Variants in GLT8D2 observed in about 807,000 individuals in gnomAD.
The protein encoded by GLT8D2 is glycosyltransferase 8 domain containing 2, also known as glycosyltransferase 8 domain-containing protein 2.
A neutral mutation model predicts 44.5 loss-of-function variants in GLT8D2; 45 were observed. That is an observed-to-expected ratio of 1.01 (90% CI 0.80 to 1.30). The LOEUF (loss-of-function observed/expected upper bound fraction) is 1.30, where lower values mean the gene tolerates loss of function less well. Among genes scored for constraint, GLT8D2 ranks in the 50% most tolerant of loss-of-function variants. GLT8D2 has a pLI of 0.00. For synonymous variants in GLT8D2, 156 were observed against 157.2 expected (o/e 0.99, Z 0.06); for missense variants, 400 against 430.4 (o/e 0.93, Z 0.62).
chr12:104,019,930 C>T (rs1357964939), intron 2 of GLT8D2, among the ~76,000 whole-genome samples: 1 of 152,024 alleles, frequency 6.6e-6, no homozygotes, highest in Non-Finnish European at 1.5e-5. Flanking sequence ...TTCTTTCTTT[C>T]TTTTTTGGTG....
At chr12:104,025,764 G>T (rs896190803) in intron 1 of GLT8D2, among the ~76,000 whole-genome samples, 1 of 152,116 alleles carries the variant, frequency 6.6e-6, no homozygotes, top group Non-Finnish European at 1.5e-5. Context: ...TTCCTTCTGT[G>T]GAACTGATTT....
intron 1 of GLT8D2, among the ~76,000 whole-genome samples, chr12:104,039,877 CAA>C (rs1376019615): frequency 2.6e-5 from 4 of 152,182 alleles, no homozygotes; most frequent in Non-Finnish European, 4.4e-5. Flanking sequence ...TTCACAATAG[CAA>C]AGACTTGGAA....
At chr12:104,061,977 C>CAA (rs34704257) in intron 1 of GLT8D2, among the ~76,000 whole-genome samples, 10 of 91,250 alleles carry the variant, frequency 1.1e-4, no homozygotes, top group South Asian at 3.3e-4. Flanking sequence ...AACTCCATCT[C>CAA]AAAAAAAAAA....
chr12:104,054,518 A>G (rs1360798151), upstream of GLT8D2, among the ~76,000 whole-genome samples: 1 of 151,698 alleles, frequency 6.6e-6, no homozygotes, highest in East Asian at 2.0e-4. Flanking sequence ...TTTCAAAGAG[A>G]TATCTGCCTC....
At position 103,989,550 on chromosome 12, in the gene GLT8D2, T is replaced by G. The variant is rs1233294423; in HGVS notation, c.908A>C (p.Glu303Ala). 6.2e-7 allele frequency: 1 copy of G among 1,613,006 alleles called. No homozygotes were observed. Among genetic ancestry groups the G allele is most frequent in the Non-Finnish European group, 8.5e-7 (1 of 1,179,602 alleles). The change falls in exon 11 of 11, where the codon GAG (glutamate) becomes GCG (alanine). Residue 303 changes from glutamate (E) to alanine (A), a missense_variant. Coordinates refer to ENST00000360814, the MANE Select transcript of GLT8D2 (RefSeq NM_001384711.1). Reference protein sequence around the residue: ...LGWNPDARYSEHFLQEAKLLH... With the variant: ...LGWNPDARYSAHFLQEAKLLH... ...TAATTTAGCTTCCTGCAGAAAATGC[T>G]CCGAATATCTGGCATCTGGATTCCA...
intron 10 of GLT8D2, 45 bp from the exon 11 acceptor site, chr12:103,989,622 A>G: frequency 6.9e-7 from 1 of 1,456,494 alleles, no homozygotes; most frequent in Non-Finnish European, 9.4e-7. Context: ...TTAGAGAATA[A>G]CATTTTTGTA....
exon 1 of GLT8D2, chr12:104,063,968 C>T (rs534112844): frequency 2.0e-5 from 3 of 152,432 alleles, no homozygotes; most frequent in African/African-American, 7.2e-5. Context: ...CTCACGGTTC[C>T]CAAGCTTCCT....
chr12:103,995,680 G>T (rs918014708), intron 8 of GLT8D2, among the ~76,000 whole-genome samples: 1 of 152,220 alleles, frequency 6.6e-6, no homozygotes, highest in African/African-American at 2.4e-5. Context: ...AACAGTGTCA[G>T]GCACAGAGTA....
At chr12:104,012,188 AAATATAT>A (rs1265075322) in intron 4 of GLT8D2, among the ~76,000 whole-genome samples, 1 of 87,458 alleles carries the variant, frequency 1.1e-5, no homozygotes, top group Non-Finnish European at 2.3e-5. Flanking sequence ...AAAAAAAAAA[AAATATAT>A]ATATATATAT....
chr12:103,994,530 T>C, intron 8 of GLT8D2, 29 bp from the exon 9 acceptor site: 3 of 1,555,154 alleles, frequency 1.9e-6, no homozygotes, highest in Non-Finnish European at 2.6e-6. Flanking sequence ...TGCATGCTTT[T>C]GACCAGCGAA....
In GLT8D2 at chr12:104,012,910, G is replaced by A. The variant is rs571385792; in HGVS notation, c.112+2103C>T. ...AGAGAAAAGGCCACGTGAGGACACA[G>A]CAAGAAGGCGGCCATCTGCATGCCA... On this transcript the variant is annotated intron_variant, in intron 4 of 10. Coordinates refer to ENST00000360814, the MANE Select transcript of GLT8D2 (RefSeq NM_001384711.1). The A allele has an allele frequency of 7.5e-5, 48 of 635,872 alleles. No homozygotes were observed. In the African/African-American group the frequency reaches 8.7e-4, roughly 12 times the overall value. 39.4% of individuals were successfully genotyped at this position (635,872 alleles called of 1,614,324 possible). A position where few individuals can be genotyped will look rare whatever the true frequency, so the allele number is the denominator to read the frequency against.
chr12:104,020,772 G>C (rs1480155480), intron 2 of GLT8D2, among the ~76,000 whole-genome samples: 1 of 152,178 alleles, frequency 6.6e-6, no homozygotes, highest in Non-Finnish European at 1.5e-5. Flanking sequence ...CCCAGGCAGA[G>C]GGAACAGCAA....
At chr12:104,039,796 G>A (rs772360277) in intron 1 of GLT8D2, among the ~76,000 whole-genome samples, 2 of 152,290 alleles carry the variant, frequency 1.3e-5, no homozygotes, top group African/African-American at 4.8e-5. Flanking sequence ...CTATTACTGG[G>A]TATATACCCA....
At chr12:104,046,570 C>T (rs920997470) in intron 1 of GLT8D2, among the ~76,000 whole-genome samples, 1 of 152,210 alleles carries the variant, frequency 6.6e-6, no homozygotes, top group African/African-American at 2.4e-5. Flanking sequence ...CTGACATAAG[C>T]TCTGTGAGTT....
At chr12:104,000,653 C>A (rs959698571) in intron 5 of GLT8D2, among the ~76,000 whole-genome samples, 1 of 152,210 alleles carries the variant, frequency 6.6e-6, no homozygotes, top group Non-Finnish European at 1.5e-5. Context: ...TTGTTAAGGA[C>A]AAACCCTTGC....
chr12:104,014,360 A>C (rs185629714), intron 4 of GLT8D2: 1 of 670,636 alleles, frequency 1.5e-6, no homozygotes, highest in Non-Finnish European at 2.7e-6. Flanking sequence ...GTCTCAAAAA[A>C]AAAAGTAAAT....
At chr12:104,040,582 T>G (rs778841649) in intron 1 of GLT8D2, among the ~76,000 whole-genome samples, 6 of 149,660 alleles carry the variant, frequency 4.0e-5, no homozygotes, top group Non-Finnish European at 7.4e-5. Flanking sequence ...CGTGCCACCA[T>G]GCCCAACTAA....
chr12:103,994,615 G>T, intron 8 of GLT8D2, 114 bp from the exon 9 acceptor site: 2 of 853,324 alleles, frequency 2.3e-6, no homozygotes. Flanking sequence ...TGTGTCACTG[G>T]CCACTGGGTA....
upstream of GLT8D2, among the ~76,000 whole-genome samples, chr12:104,055,086 G>A (rs1238702385): frequency 6.6e-6 from 1 of 152,222 alleles, no homozygotes; most frequent in African/African-American, 2.4e-5. Context: ...CAACAAGAGA[G>A]AGTGGTTTCC....
Sources: gnomAD v4.1 joint callset for allele counts (sites outside exome capture counted in the v4.1 genomes callset) on GRCh38, gnomAD v4.1.1 for gene constraint, MANE v1.5 for transcripts, NCBI Gene and HGNC (gene_info 2026-07-23, HGNC 2026-07-21) for gene names.